ASIC2: variants seen among roughly 807,000 people sequenced by gnomAD.
The protein encoded by ASIC2 is acid sensing ion channel subunit 2, also known as acid-sensing ion channel 2.
In ASIC2, 25 loss-of-function variants were observed where a neutral mutation model predicts 57.3. The observed-to-expected ratio is 0.44, with a 90% confidence interval of 0.32 to 0.61. The LOEUF (loss-of-function observed/expected upper bound fraction) is 0.61, where lower values mean the gene tolerates loss of function less well. Among genes scored for constraint, ASIC2 ranks in the 20% least tolerant of loss-of-function variants. The pLI, the probability that ASIC2 is intolerant of heterozygous loss-of-function variation, is 0.06. For synonymous variants in ASIC2, 319 were observed against 307.5 expected (o/e 1.04, Z -0.39); for missense variants, 641 against 738.1 (o/e 0.87, Z 1.52).
intron 1 of ASIC2, among the ~76,000 whole-genome samples, chr17:33,348,260 G>T (rs1362658034): frequency 6.6e-6 from 1 of 152,104 alleles, no homozygotes; most frequent in African/African-American, 2.4e-5. Context: ...TTTGATCCAG[G>T]TAGAAGCAAC....
At chr17:33,547,754 C>T (rs1366693217) in intron 1 of ASIC2, among the ~76,000 whole-genome samples, 3 of 152,340 alleles carry the variant, frequency 2.0e-5, no homozygotes, top group Non-Finnish European at 2.9e-5. Flanking sequence ...CCATGCTACA[C>T]CTGCATCTGA....
At chr17:33,953,350 A>G (rs1369027954) in intron 1 of ASIC2, among the ~76,000 whole-genome samples, 1 of 152,208 alleles carries the variant, frequency 6.6e-6, no homozygotes, top group Admixed American at 6.5e-5. Flanking sequence ...TATGTCTGGT[A>G]CTTAAATCAA....
chr17:33,851,996 C>G lies in ASIC2; in HGVS notation c.555+303982G>C, dbSNP rs116392529. 2.6e-3 allele frequency among the ~76,000 whole-genome samples: 389 copies of G among 152,304 alleles called. 2 individuals carry two copies. Among genetic ancestry groups the G allele is most frequent in the African/African-American group, 8.7e-3 (363 of 41,574 alleles). ...CTCAGAAGAAAGGCAAACAAGGGAT[C>G]GGATGAAAGGGACCATTCCGTTCAG... On this transcript the variant is annotated intron_variant, in intron 1 of 9. Transcript: ENST00000359872.
chr17:33,820,817 C>T (rs752730122), intron 1 of ASIC2, among the ~76,000 whole-genome samples: 1 of 152,186 alleles, frequency 6.6e-6, no homozygotes, highest in Non-Finnish European at 1.5e-5. Flanking sequence ...GCTGGGACTA[C>T]TGGTGCGTGT....
chr17:33,584,741 G>A (rs1904559413), intron 1 of ASIC2, among the ~76,000 whole-genome samples: 1 of 152,112 alleles, frequency 6.6e-6, no homozygotes. Context: ...TGGTGATGGA[G>A]TGACCCCTCC....
At chr17:33,730,356 A>G (rs1326461704) in intron 1 of ASIC2, among the ~76,000 whole-genome samples, 1 of 152,226 alleles carries the variant, frequency 6.6e-6, no homozygotes, top group Non-Finnish European at 1.5e-5. Flanking sequence ...GTGAGGTCTC[A>G]CTAATGAGGA....
chr17:33,653,670 G>A (rs1906992543), intron 1 of ASIC2, among the ~76,000 whole-genome samples: 1 of 152,142 alleles, frequency 6.6e-6, no homozygotes, highest in East Asian at 1.9e-4. Context: ...GAAGCTTAAG[G>A]AAGCAATGGA....
chr17:33,645,728 C>G (rs1906719258), intron 1 of ASIC2, among the ~76,000 whole-genome samples: 1 of 152,050 alleles, frequency 6.6e-6, no homozygotes, highest in South Asian at 2.1e-4. Flanking sequence ...TCCACAAGTG[C>G]TATTTGCTGG....
intron 1 of ASIC2, among the ~76,000 whole-genome samples, chr17:33,465,724 C>T (rs955258274): frequency 2.6e-5 from 4 of 152,142 alleles, no homozygotes; most frequent in Non-Finnish European, 5.9e-5. Flanking sequence ...GAAAGGTCTG[C>T]CCCTTTTCCT....
At chr17:33,568,934 G>A (rs545869291) in intron 1 of ASIC2, among the ~76,000 whole-genome samples, 66 of 152,294 alleles carry the variant, frequency 4.3e-4, no homozygotes, top group African/African-American at 9.9e-4. Flanking sequence ...TTTATATCAC[G>A]AAAGGCAGAT....
chr17:33,760,309 T>C (rs577360291), intron 1 of ASIC2, among the ~76,000 whole-genome samples: 11 of 152,170 alleles, frequency 7.2e-5, no homozygotes, highest in Admixed American at 2.0e-4. Flanking sequence ...ATAAATAATG[T>C]ATGTTTTTAT....
intron 2 of ASIC2, 181 bp downstream of exon 2, chr17:33,111,736 G>A (rs1293519461): frequency 1.3e-6 from 1 of 774,174 alleles, no homozygotes; most frequent in East Asian, 3.2e-5. Flanking sequence ...AGTAAAAGGT[G>A]AGGAAACCCA....
intron 1 of ASIC2, among the ~76,000 whole-genome samples, chr17:33,952,859 C>T (rs916898631): frequency 6.6e-6 from 1 of 152,138 alleles, no homozygotes; most frequent in Non-Finnish European, 1.5e-5. Context: ...AAAATTGTTT[C>T]ATAGCATAGG....
intron 1 of ASIC2, among the ~76,000 whole-genome samples, chr17:33,214,526 T>C (rs1907401810): frequency 6.6e-6 from 1 of 152,222 alleles, no homozygotes; most frequent in Non-Finnish European, 1.5e-5. Context: ...CAATTGGTGC[T>C]GGTTATTGTG....
intron 1 of ASIC2, chr17:34,070,423 T>C (rs1284799566): frequency 6.6e-6 from 1 of 152,146 alleles, no homozygotes; most frequent in East Asian, 1.9e-4. Context: ...AGGTAGCTCA[T>C]GGTACCTTCT....
At chr17:33,575,996 C>T (rs1368816151) in intron 1 of ASIC2, among the ~76,000 whole-genome samples, 1 of 152,174 alleles carries the variant, frequency 6.6e-6, no homozygotes, top group African/African-American at 2.4e-5. Flanking sequence ...TTATTTATAG[C>T]GATCCAATGC....
At chr17:33,642,861 GACCT>G (rs1325447667) in intron 1 of ASIC2, among the ~76,000 whole-genome samples, 1 of 152,176 alleles carries the variant, frequency 6.6e-6, no homozygotes, top group Non-Finnish European at 1.5e-5. Flanking sequence ...ATTGTGGGGA[GACCT>G]GCAAACCTTG....
chr17:33,072,492 G>C (rs994691934), intron 3 of ASIC2, among the ~76,000 whole-genome samples: 1 of 152,148 alleles, frequency 6.6e-6, no homozygotes, highest in Non-Finnish European at 1.5e-5. Context: ...AAAGTAAAGA[G>C]TAGACTTGTA....
At chr17:33,913,385 C>T (rs1485699338) in intron 1 of ASIC2, among the ~76,000 whole-genome samples, 1 of 151,990 alleles carries the variant, frequency 6.6e-6, no homozygotes, top group Admixed American at 6.6e-5. Flanking sequence ...CCCTAAGTTA[C>T]GACTAATAAA....
Sources: gnomAD v4.1 joint callset for allele counts (sites outside exome capture counted in the v4.1 genomes callset) on GRCh38, gnomAD v4.1.1 for gene constraint, MANE v1.5 for transcripts, NCBI Gene and HGNC (gene_info 2026-07-23, HGNC 2026-07-21) for gene names.